The following MLC1 variants were observed in gnomAD, a reference collection of about 807,000 sequenced individuals.
MLC1 encodes the protein membrane protein MLC1.
A neutral mutation model predicts 44.7 loss-of-function variants in MLC1; 32 were observed. That is an observed-to-expected ratio of 0.72 (90% confidence interval 0.54 to 0.96). MLC1 has a LOEUF of 0.96. MLC1 is among the 40% of genes least tolerant of loss of function. MLC1 has a pLI of 0.00. For missense variants in MLC1, 459 were observed against 492.2 expected, an observed-to-expected ratio of 0.93 and a Z score of 0.64; for synonymous variants, 190 against 213.0, an observed-to-expected ratio of 0.89 and a Z score of 0.94.
chr22:50,067,607 A>T (rs1394941710), intron 10 of MLC1, among the ~76,000 whole-genome samples: 3 of 55,378 alleles, frequency 5.4e-5, no homozygotes, highest in Admixed American at 2.7e-4. Context: ...TCAGGCAGTG[A>T]CTCCATCCCC....
chr22:50,064,276 G>T (rs1461539442), intron 10 of MLC1, 78 bp from the exon 11 acceptor site: 10 of 1,520,770 alleles, frequency 6.6e-6, no homozygotes, highest in Non-Finnish European at 8.8e-6. Flanking sequence ...TCGTGCCCAC[G>T]GCCTTCACAA....
At chr22:50,079,805 A>G in intron 5 of MLC1, 113 bp downstream of exon 5, 3 of 829,784 alleles carry the variant, frequency 3.6e-6, no homozygotes, top group Non-Finnish European at 6.4e-6. Context: ...CAAACTCACG[A>G]GCTGTGAATA....
At chr22:50,062,922 G>C (rs187101924) in intron 11 of MLC1, among the ~76,000 whole-genome samples, 7 of 152,204 alleles carry the variant, frequency 4.6e-5, no homozygotes, top group African/African-American at 7.2e-5. Context: ...AGGGCCCGGG[G>C]GAACATTGTT....
chr22:50,061,171 T>G lies in MLC1; in HGVS notation c.*412A>C, dbSNP rs879935290. The G allele has an allele frequency of 4.5e-5, 13 of 286,782 alleles. No homozygotes were observed. Among genetic ancestry groups the G allele is most frequent in the Admixed American group, 8.9e-5 (2 of 22,562 alleles). The allele number at this position is 286,782 out of a possible 1,614,324, so 17.8% of individuals were successfully genotyped here. A position where few individuals can be genotyped will look rare whatever the true frequency, so the allele number is the denominator to read the frequency against. On this transcript the variant is annotated 3_prime_UTR_variant, in exon 12 of 12. Coordinates refer to ENST00000311597, the MANE Select transcript of MLC1 (RefSeq NM_015166.4). ...CTAAGCGTGGAGGGAGGAAGCCCGGTCAGAGTGGGCAGGAGACGCAGGGAC... is the reference window on the plus strand; with the variant it reads ...CTAAGCGTGGAGGGAGGAAGCCCGGGCAGAGTGGGCAGGAGACGCAGGGAC...
chr22:50,068,171 G>T (rs993843403), intron 10 of MLC1, among the ~76,000 whole-genome samples: 1 of 152,232 alleles, frequency 6.6e-6, no homozygotes, highest in African/African-American at 2.4e-5. Context: ...ATTCTAAAAT[G>T]GGCTCAGGGA....
At chr22:50,082,196 G>A (rs1435260966) in intron 3 of MLC1, among the ~76,000 whole-genome samples, 1 of 92,596 alleles carries the variant, frequency 1.1e-5, no homozygotes, top group Non-Finnish European at 2.4e-5. Flanking sequence ...GGCCAGAGGG[G>A]CATGGGGTCC....
chr22:50,083,128 C>T lies in MLC1; in HGVS notation c.223G>A (p.Val75Met), dbSNP rs148848827. ...AAGTAATCCATCTCAGCCGGGAACA[C>T]GTTCCCCAGGTACAGCGAAAACCCC... is the stretch of plus-strand genomic sequence containing the variant. ...TSGFSLYLGNVFPAEMDYLRC... is the reference protein window; with the variant it reads ...TSGFSLYLGNMFPAEMDYLRC... The change falls in exon 3 of 12, where the codon GTG becomes ATG. Residue 75 changes from valine to methionine, a missense_variant. Transcript: ENST00000311597. This position sits in a 1 kb window ranked among gnomAD's most constrained non-coding sequence, Gnocchi z 4.6. 132 of 1,614,024 alleles carry T rather than the reference C, an allele frequency of 8.2e-5. No homozygotes were observed. The highest frequency in any genetic ancestry group is 1.2e-4 in the Admixed American group (7 of 60,000).
chr22:50,074,195 C>A (rs377489807), intron 8 of MLC1, 21 bp downstream of exon 8: 11 of 1,587,276 alleles, frequency 6.9e-6, no homozygotes, highest in African/African-American at 1.3e-5. Flanking sequence ...CGGCGGCGGG[C>A]GGGCCAGAGG....
chr22:50,077,010 T>C, intron 6 of MLC1, 98 bp from the exon 7 acceptor site: 1 of 1,337,128 alleles, frequency 7.5e-7, no homozygotes. Flanking sequence ...CAGGTCAGCC[T>C]GCCGTGTAGA....
At chr22:50,061,758 G>T in intron 11 of MLC1, 101 bp from the exon 12 acceptor site, 2 of 1,116,240 alleles carry the variant, frequency 1.8e-6, no homozygotes, top group Non-Finnish European at 1.3e-6. Context: ...CCAGCGTTCA[G>T]AAGTTTTCTT....
chr22:50,073,426 G>A (rs368349585), intron 8 of MLC1, among the ~76,000 whole-genome samples: 1 of 152,200 alleles, frequency 6.6e-6, no homozygotes, highest in African/African-American at 2.4e-5. Context: ...GGGGATCTGG[G>A]GTGTGGAGGG....
intron 4 of MLC1, 67 bp downstream of exon 4, chr22:50,080,277 T>C: frequency 3.9e-6 from 6 of 1,524,418 alleles, no homozygotes; most frequent in Non-Finnish European, 5.4e-6. Context: ...CAAGCACACA[T>C]GGGCACACTG....
At chr22:50,076,382 C>T (rs1229354703) in intron 7 of MLC1, among the ~76,000 whole-genome samples, 1 of 152,154 alleles carries the variant, frequency 6.6e-6, no homozygotes, top group Non-Finnish European at 1.5e-5. Context: ...TGCCGAAACC[C>T]TGCCTCTACT....
At chr22:50,074,435 G>A (rs2061931574) in intron 7 of MLC1, 103 bp from the exon 8 acceptor site, 1 of 1,055,846 alleles carries the variant, frequency 9.5e-7, no homozygotes, top group African/African-American at 1.6e-5. Context: ...GGGTCCAGTG[G>A]GCTGGCCCCA....
chr22:50,075,793 A>T (rs1193844097), intron 7 of MLC1, among the ~76,000 whole-genome samples: 1 of 152,164 alleles, frequency 6.6e-6, no homozygotes, highest in African/African-American at 2.4e-5. Context: ...AAGTGAAGGC[A>T]CTGGGAAACA....
At chr22:50,062,839 A>G (rs970590712) in intron 11 of MLC1, among the ~76,000 whole-genome samples, 2 of 152,218 alleles carry the variant, frequency 1.3e-5, no homozygotes, top group African/African-American at 4.8e-5. Context: ...GAGCACCACC[A>G]GGACCCGTAG....
intron 1 of MLC1, 157 bp downstream of exon 1, chr22:50,085,198 G>A: frequency 7.8e-7 from 1 of 1,283,680 alleles, no homozygotes; most frequent in Non-Finnish European, 9.9e-7. Context: ...GATCCATCTG[G>A]GCCCTCCAGG....
chr22:50,074,329 C>A lies in MLC1; in HGVS notation c.601G>T (p.Val201Phe). The change falls in exon 8 of 12, where the codon GTC (valine) becomes TTC (phenylalanine). Residue 201 changes from valine (V) to phenylalanine (F), a missense_variant. By Grantham distance (50) the Val-to-Phe change is conservative. Coordinates refer to ENST00000311597, the MANE Select transcript of MLC1 (RefSeq NM_015166.4). Reference sequence around the variant, plus strand: ...GCAGAGATGCCTGCGATTACCTCGACGACCTGGAGGGGACAGGACAGCATC... The same window carrying A: ...GCAGAGATGCCTGCGATTACCTCGAAGACCTGGAGGGGACAGGACAGCATC... ...PARVLKSYSV[V>F]EVIAGISAVL... 6.2e-7 allele frequency: 1 copy of A among 1,612,996 alleles called. No homozygotes were observed. Among genetic ancestry groups the A allele is most frequent in the Non-Finnish European group, 8.5e-7 (1 of 1,179,080 alleles).
chr22:50,084,490 A>AGT (rs2062231279), intron 2 of MLC1, among the ~76,000 whole-genome samples: 1 of 152,184 alleles, frequency 6.6e-6, no homozygotes, highest in Admixed American at 6.5e-5. Flanking sequence ...CCCTGGTGGG[A>AGT]CTAAGCCACA....
Sources: gnomAD v4.1 joint callset for allele counts (sites outside exome capture counted in the v4.1 genomes callset) on GRCh38, gnomAD v4.1.1 for gene constraint, Gnocchi (gnomAD v3.1) non-coding constraint, MANE v1.5 for transcripts, NCBI Gene and HGNC (gene_info 2026-07-23, HGNC 2026-07-21) for gene names.